TAFA2: variants seen among roughly 807,000 people sequenced by gnomAD.
TAFA2 encodes the protein chemokine-like protein TAFA-2.
Under a neutral mutation model 18.8 loss-of-function variants are expected in TAFA2, and 7 were observed. The observed-to-expected ratio is 0.37, with a 90% CI of 0.21 to 0.70. TAFA2 has a LOEUF of 0.70. Ranked by LOEUF, TAFA2 falls within the 30% of genes least tolerant of loss-of-function variation. The probability of loss-of-function intolerance (pLI) is 0.53; values close to 1 mark genes in which losing one functional copy is unlikely to be tolerated. For missense variants in TAFA2, 122 were observed against 158.1 expected (o/e 0.77, Z 1.23); for synonymous variants, 60 against 54.2 (o/e 1.11, Z -0.47).
rs962350816 is a variant in TAFA2, at chr12:62,191,276, G to T, written c.-19C>A. On this transcript the variant is annotated 5_prime_UTR_variant, in exon 1 of 5. Coordinates refer to ENST00000416284, the MANE Select transcript of TAFA2 (RefSeq NM_178539.5). Reference sequence around the variant, plus strand: ...GCACCTACCTGCAGCCCCGCTTCCCGGTGGCGGCAACACCTAGCGATGCTC... The same window carrying T: ...GCACCTACCTGCAGCCCCGCTTCCCTGTGGCGGCAACACCTAGCGATGCTC... The T allele has an allele frequency of 6.6e-6, 1 of 152,212 alleles. No homozygotes were observed. The highest frequency in any genetic ancestry group is 1.5e-5 in the Non-Finnish European group (1 of 68,044). The allele number at this position is 152,212 out of a possible 1,614,324, so 9.4% of individuals were successfully genotyped here. A position where few individuals can be genotyped will look rare whatever the true frequency, so the allele number is the denominator to read the frequency against.
intron 1 of TAFA2, among the ~76,000 whole-genome samples, chr12:62,171,912 G>A (rs2062480412): frequency 6.6e-6 from 1 of 152,038 alleles, no homozygotes; most frequent in South Asian, 2.1e-4. Context: ...ATCAAGCAAG[G>A]ATAAATATAT....
chr12:62,192,368 T>A lies in TAFA2; in HGVS notation c.-1111A>T, dbSNP rs912071768. 4 of 151,926 alleles carry A rather than the reference T, an allele frequency of 2.6e-5. No individual in the cohort carries two copies. Among genetic ancestry groups the A allele is most frequent in the Admixed American group, 6.6e-5 (1 of 15,258 alleles). The allele number at this position is 151,926 out of a possible 1,614,324, so 9.4% of individuals were successfully genotyped here. A position where few individuals can be genotyped will look rare whatever the true frequency, so the allele number is the denominator to read the frequency against. ...AACACAAGCGAGCAGGTGTCGCCTG[T>A]GTCACTTTGCTAAAGGCGGGAGGGG... On this transcript the variant is annotated 5_prime_UTR_variant, in exon 1 of 5. Transcript: ENST00000416284.
intron 1 of TAFA2, among the ~76,000 whole-genome samples, chr12:62,062,888 C>T (rs1302177142): frequency 6.6e-6 from 1 of 152,116 alleles, no homozygotes; most frequent in African/African-American, 2.4e-5. Flanking sequence ...GGCTCATGGC[C>T]CCTTTCTTCT....
chr12:62,233,653 A>G (rs2062822858), intron 1 of TAFA2, among the ~76,000 whole-genome samples: 1 of 152,176 alleles, frequency 6.6e-6, no homozygotes, highest in African/African-American at 2.4e-5. Flanking sequence ...TGAACCCGAG[A>G]TGGCCTGCTC....
intron 1 of TAFA2, among the ~76,000 whole-genome samples, chr12:62,173,784 T>C (rs2062494533): frequency 6.6e-6 from 1 of 152,184 alleles, no homozygotes; most frequent in African/African-American, 2.4e-5. Context: ...ATTTCAGTAT[T>C]ATTTACTGAT....
intron 1 of TAFA2, among the ~76,000 whole-genome samples, chr12:62,008,081 C>A (rs1382986174): frequency 1.3e-5 from 2 of 152,078 alleles, no homozygotes; most frequent in African/African-American, 4.8e-5. Flanking sequence ...TGGTATGTGT[C>A]CTTCTGTGTC....
chr12:61,761,805 G>GT (rs1869559230), intron 2 of TAFA2, among the ~76,000 whole-genome samples: 1 of 151,986 alleles, frequency 6.6e-6, no homozygotes, highest in African/African-American at 2.4e-5. Context: ...TGCCTGATAT[G>GT]GTTTATATCT....
intron 1 of TAFA2, among the ~76,000 whole-genome samples, chr12:61,900,787 T>C (rs1876064578): frequency 6.6e-6 from 1 of 152,196 alleles, no homozygotes; most frequent in African/African-American, 2.4e-5. Flanking sequence ...TAAAATGATA[T>C]CCATTTTTGG....
intron 1 of TAFA2, chr12:62,234,678 C>T (rs1213756990): frequency 1.3e-5 from 13 of 976,466 alleles, no homozygotes; most frequent in Non-Finnish European, 2.0e-5. Flanking sequence ...AGCTTTTCCG[C>T]AGTTCTCGTA....
intron 4 of TAFA2, among the ~76,000 whole-genome samples, chr12:61,752,648 G>C (rs1400981196): frequency 6.6e-6 from 1 of 151,882 alleles, no homozygotes; most frequent in Non-Finnish European, 1.5e-5. Context: ...TCACTTCTGT[G>C]TATGTCTGAT....
chr12:61,898,750 C>G (rs1875967806), intron 1 of TAFA2, among the ~76,000 whole-genome samples: 1 of 152,190 alleles, frequency 6.6e-6, no homozygotes, highest in African/African-American at 2.4e-5. Flanking sequence ...GCCCTGGAGT[C>G]ATGTTCCCCA....
At chr12:62,229,226 C>T (rs146948335) in intron 1 of TAFA2, among the ~76,000 whole-genome samples, 3 of 152,004 alleles carry the variant, frequency 2.0e-5, no homozygotes, top group Non-Finnish European at 4.4e-5. Flanking sequence ...TAATTGCTCC[C>T]GTTAGGACTT....
At chr12:61,965,069 A>G (rs1879022317) in intron 1 of TAFA2, among the ~76,000 whole-genome samples, 1 of 151,812 alleles carries the variant, frequency 6.6e-6, no homozygotes, top group African/African-American at 2.4e-5. Context: ...TATCCCCCAA[A>G]TCCAAAAGGT....
At chr12:62,130,387 A>G (rs917475755) in intron 1 of TAFA2, among the ~76,000 whole-genome samples, 10 of 152,016 alleles carry the variant, frequency 6.6e-5, no homozygotes, top group Admixed American at 1.3e-4. Flanking sequence ...AATTAAAGTA[A>G]TGAAATTGAA....
chr12:61,729,909 G>A (rs1246016018), intron 4 of TAFA2, among the ~76,000 whole-genome samples: 1 of 152,050 alleles, frequency 6.6e-6, no homozygotes, highest in Admixed American at 6.6e-5. Flanking sequence ...TTTATCCCAT[G>A]GGGTGATCCC....
At chr12:61,967,032 A>T (rs1879090836) in intron 1 of TAFA2, among the ~76,000 whole-genome samples, 1 of 151,890 alleles carries the variant, frequency 6.6e-6, no homozygotes, top group African/African-American at 2.4e-5. Flanking sequence ...AGCAAAATAC[A>T]TTTATATTAC....
intron 1 of TAFA2, among the ~76,000 whole-genome samples, chr12:62,149,564 T>C (rs993721263): frequency 2.0e-5 from 3 of 148,232 alleles, no homozygotes; most frequent in African/African-American, 7.4e-5. Flanking sequence ...AATATATATA[T>C]TCTATTTATA....
At position 61,709,715 on chromosome 12, in the gene TAFA2, A is replaced by T. The variant is rs1362821300; in HGVS notation, c.*691T>A. ...TACTACCTATTTGACAAAGAGCTTCAGCAGGGTGTTGTTAGCCTTAGGGAA... is the reference window on the plus strand; with the variant it reads ...TACTACCTATTTGACAAAGAGCTTCTGCAGGGTGTTGTTAGCCTTAGGGAA... On this transcript the variant is annotated 3_prime_UTR_variant, in exon 5 of 5. Coordinates refer to ENST00000416284, the MANE Select transcript of TAFA2 (RefSeq NM_178539.5). 1 of 152,142 alleles carries T rather than the reference A, an allele frequency of 6.6e-6. No homozygotes were observed. Among genetic ancestry groups the T allele is most frequent in the African/African-American group, 2.4e-5 (1 of 41,448 alleles). The allele number at this position is 152,142 out of a possible 1,614,324, so 9.4% of individuals were successfully genotyped here. A position where few individuals can be genotyped will look rare whatever the true frequency, so the allele number is the denominator to read the frequency against.
chr12:62,011,765 AAAAAG>A (rs1467888677), intron 1 of TAFA2, among the ~76,000 whole-genome samples: 1 of 134,672 alleles, frequency 7.4e-6, no homozygotes, highest in African/African-American at 2.7e-5. Flanking sequence ...AAAAAAAAAA[AAAAAG>A]AAAAGAAACT....
Sources: gnomAD v4.1 joint callset for allele counts (sites outside exome capture counted in the v4.1 genomes callset) on GRCh38, gnomAD v4.1.1 for gene constraint, MANE v1.5 for transcripts, NCBI Gene and HGNC (gene_info 2026-07-23, HGNC 2026-07-21) for gene names.